The following LAMA1 variants were observed in gnomAD, a reference collection of about 807,000 sequenced individuals.
LAMA1 encodes laminin subunit alpha 1, also known as laminin subunit alpha-1.
LAMA1 carries 219 observed loss-of-function variants against 348.7 expected under a neutral mutation model. That is an observed-to-expected ratio of 0.63 (90% CI 0.56 to 0.70). The LOEUF (loss-of-function observed/expected upper bound fraction) is 0.70. Among genes scored for constraint, LAMA1 ranks in the 30% least tolerant of loss-of-function variants. The pLI is 0.00. For synonymous variants in LAMA1, 1,487 were observed against 1,491.0 expected (o/e 1.00, Z 0.06); for missense variants, 3,744 against 3,888.0 (o/e 0.96, Z 0.99).
intron 57 of LAMA1, among the ~76,000 whole-genome samples, chr18:6,952,446 T>A (rs2057551147): frequency 6.6e-6 from 1 of 152,028 alleles, no homozygotes; most frequent in Non-Finnish European, 1.5e-5. Flanking sequence ...GTACTGTGCA[T>A]GTGTGTGCGG....
chr18:7,049,173 G>T lies in LAMA1; in HGVS notation c.673C>A (p.Arg225Ser). The change falls in exon 5 of 63, where the codon CGC becomes AGC. Residue 225 changes from arginine (R) to serine (S), a missense_variant. By Grantham distance (110) the Arg-to-Ser change is moderately radical. This residue lies in a region of LAMA1 where 1,529 missense variants were observed against 1,689.4 expected (regional missense o/e 0.91). Transcript: ENST00000389658. Reference protein sequence around the residue: ...LLEFTSARYIRLRLQRIRTLN... With the variant: ...LLEFTSARYISLRLQRIRTLN... The stretch of plus-strand genomic sequence containing the variant: ...GTTCTAATGCGTTGCAAGCGAAGGC[G>T]AATATATCGTGCAGAAGTGAATTCC... 6.2e-7 allele frequency: 1 copy of T among 1,614,194 alleles called. No individual in the cohort carries two copies. The highest frequency in any genetic ancestry group is 8.5e-7 in the Non-Finnish European group (1 of 1,180,014).
chr18:7,013,965 G>A lies in LAMA1; in HGVS notation c.3213C>T (p.Gly1071=), dbSNP rs2057873470. 6.2e-7 allele frequency: 1 copy of A among 1,613,864 alleles called. No individual in the cohort carries two copies. Among genetic ancestry groups the A allele is most frequent in the African/African-American group, 1.3e-5 (1 of 75,034 alleles). The change falls in exon 23 of 63, where the codon GGC becomes GGT. Residue 1071 remains glycine (G), a synonymous_variant. Transcript: ENST00000389658. ...CCAAGGAACACTGATCGCAGGCCCG[G>A]CCACCAAATTTTGACTTGCACTGGC... ...GHCQCKSKFG[G]RACDQCSLGY...
At chr18:6,974,460 T>C (rs183708309) in intron 46 of LAMA1, among the ~76,000 whole-genome samples, 1,546 of 148,384 alleles carry the variant, frequency 0.01, 15 homozygotes, top group Non-Finnish European at 0.015. Context: ...CTTTTCTTTT[T>C]TTTTTTTTTT....
chr18:6,962,084 T>C (rs775067911), intron 51 of LAMA1, 25 bp from the exon 52 acceptor site: 2 of 1,562,878 alleles, frequency 1.3e-6, no homozygotes, highest in South Asian at 1.1e-5. Flanking sequence ...ATGAGAACAA[T>C]CACAAAATTT....
chr18:7,057,854 G>T (rs1436126952), intron 3 of LAMA1, among the ~76,000 whole-genome samples: 2 of 151,134 alleles, frequency 1.3e-5, no homozygotes, highest in Non-Finnish European at 2.9e-5. Flanking sequence ...GAGTGCAGTG[G>T]TGCGATCTCC....
intron 31 of LAMA1, 59 bp from the exon 32 acceptor site, chr18:6,999,697 C>T (rs756701175): frequency 6.8e-5 from 95 of 1,397,662 alleles, no homozygotes; most frequent in African/African-American, 1.3e-4. Context: ...TTCTAACTTG[C>T]GACAGTAATC....
intron 28 of LAMA1, 77 bp from the exon 29 acceptor site, chr18:7,007,353 A>T: frequency 6.9e-7 from 1 of 1,443,018 alleles, no homozygotes; most frequent in Non-Finnish European, 9.4e-7. Context: ...ACTTCTCCAA[A>T]GGAGACATAC....
At chr18:6,951,696 C>T (rs145540677) in intron 57 of LAMA1, among the ~76,000 whole-genome samples, 9 of 152,252 alleles carry the variant, frequency 5.9e-5, no homozygotes, top group South Asian at 2.1e-4. Flanking sequence ...GCAGCTGTTA[C>T]GACAGCCAAC....
rs759647611 is a variant in LAMA1 at position 6,978,394 on chromosome 18, A to G, written c.6008-16T>C. Reference sequence around the variant, plus strand: ...TCTCTTATACCTAAAATAAATGTATATAAAAGCATGCACTTCTGGTGCTTA... The same window carrying G: ...TCTCTTATACCTAAAATAAATGTATGTAAAAGCATGCACTTCTGGTGCTTA... On this transcript the variant is annotated splice_polypyrimidine_tract_variant and intron_variant, in intron 42 of 62. Transcript: ENST00000389658. The G allele has an allele frequency of 1.2e-6, 2 of 1,610,842 alleles. No homozygotes were observed. The highest frequency in any genetic ancestry group is 1.7e-6 in the Non-Finnish European group (2 of 1,177,596).
chr18:6,992,705 G>A lies in LAMA1; in HGVS notation c.5024C>T (p.Thr1675Ile). The change falls in exon 36 of 63, where the codon ACA (threonine) becomes ATA (isoleucine). Residue 1675 changes from threonine to isoleucine, a missense_variant. Coordinates refer to ENST00000389658, the MANE Select transcript of LAMA1 (RefSeq NM_005559.4). ...TTCATCCAAAGTCTGATTTAAAGTTGTCTTTTCCATAATTTCTATGGAGAA... is the reference window on the plus strand; with the variant it reads ...TTCATCCAAAGTCTGATTTAAAGTTATCTTTTCCATAATTTCTATGGAGAA... ...QMSITEIMEK[T>I]TLNQTLDEDF... The A allele has an allele frequency of 6.2e-7, 1 of 1,613,216 alleles. No individual in the cohort carries two copies. The highest frequency in any genetic ancestry group is 1.3e-5 in the African/African-American group (1 of 75,026).
chr18:6,947,043 A>G (rs1199093269), intron 61 of LAMA1, 120 bp downstream of exon 61: 3 of 1,307,766 alleles, frequency 2.3e-6, no homozygotes, highest in Non-Finnish European at 2.2e-6. Flanking sequence ...TTAAAATAGT[A>G]ATGGGACCAT....
chr18:7,059,039 G>A (rs1011497009), intron 3 of LAMA1, among the ~76,000 whole-genome samples: 1 of 152,054 alleles, frequency 6.6e-6, no homozygotes, highest in Non-Finnish European at 1.5e-5. Context: ...ACAGGCACCT[G>A]CCACCATGCC....
At chr18:6,998,295 G>GACTGT (rs2057792082) in intron 32 of LAMA1, among the ~76,000 whole-genome samples, 1 of 152,322 alleles carries the variant, frequency 6.6e-6, no homozygotes, top group African/African-American at 2.4e-5. Context: ...GAACTTTATT[G>GACTGT]ACTGTAATGA....
intron 1 of LAMA1, among the ~76,000 whole-genome samples, chr18:7,085,979 G>T (rs941829023): frequency 6.6e-6 from 1 of 152,108 alleles, no homozygotes; most frequent in Non-Finnish European, 1.5e-5. Flanking sequence ...ATAAGATTAA[G>T]GTATTCTAAT....
In LAMA1 at chr18:6,971,937, C is replaced by T. The variant is rs615809; in HGVS notation, c.6819G>A (p.Gly2273=). The change falls in exon 48 of 63, where the codon GGG becomes GGA. Residue 2273 remains glycine (G), a synonymous_variant. Transcript: ENST00000389658. ...TGGATTTTCCATTCAGGAAGGCCTC[C>T]CCCAAGCAGCCTTTAAAATGAGTAA... ...VKVTHFKGCL[G]EAFLNGKSIG... is the part of the protein sequence containing the mutation. The T allele has an allele frequency of 0.017, 28,175 of 1,613,936 alleles. 613 individuals carry two copies. The highest frequency in any genetic ancestry group is 0.11 in the African/African-American group (7,889 of 74,950).
intron 33 of LAMA1, 85 bp from the exon 34 acceptor site, chr18:6,995,531 T>G (rs2057777572): frequency 1.3e-6 from 1 of 790,760 alleles, no homozygotes; most frequent in Non-Finnish European, 2.3e-6. Flanking sequence ...ATTTCTTTTT[T>G]GTTCACAGAA....
rs75089757 is a variant in LAMA1 at position 7,087,067 on chromosome 18, G to C, written c.62-6610C>G. Among the ~76,000 whole-genome samples, 782 of 152,246 alleles carry C rather than the reference G, an allele frequency of 5.1e-3. 4 individuals are homozygous for C. Among genetic ancestry groups the C allele is most frequent in the Non-Finnish European group, 7.8e-3 (528 of 68,030 alleles). ...ATAGAGAGAAAAATTATTATTCTTT[G>C]CTTCTTTGTGCGTCGGACTGAAGTT... On this transcript the variant is annotated intron_variant, in intron 1 of 62. Coordinates refer to ENST00000389658, the MANE Select transcript of LAMA1 (RefSeq NM_005559.4).
chr18:7,009,191 G>T, intron 27 of LAMA1, 48 bp downstream of exon 27: 1 of 1,610,208 alleles, frequency 6.2e-7, no homozygotes, highest in Non-Finnish European at 8.5e-7. Context: ...CTTTCAGTTT[G>T]CTTTCAAATA....
chr18:7,049,712 A>G (rs542136110), intron 4 of LAMA1, among the ~76,000 whole-genome samples: 3 of 152,348 alleles, frequency 2.0e-5, no homozygotes, highest in African/African-American at 7.2e-5. Context: ...TCTTGTAAAA[A>G]TATGTCTAAC....
Sources: allele counts gnomAD v4.1 joint callset (sites outside exome capture counted in the v4.1 genomes callset), GRCh38; gene constraint gnomAD v4.1.1; regional missense constraint gnomAD v4.1.1; transcripts MANE v1.5; gene names NCBI Gene and HGNC (gene_info 2026-07-23, HGNC 2026-07-21).